The following INPP4B variants were observed in gnomAD, a reference collection of about 807,000 sequenced individuals.
The protein encoded by INPP4B is inositol polyphosphate 4-phosphatase type II.
INPP4B carries 55 observed loss-of-function variants against 122.5 expected under a neutral mutation model. The ratio of observed to expected loss-of-function variants is 0.45; its 90% CI spans 0.36 to 0.56. The LOEUF (loss-of-function observed/expected upper bound fraction) is 0.56. INPP4B is among the 20% of genes least tolerant of loss of function. INPP4B has a pLI of 0.00. For missense variants in INPP4B, 1,000 were observed against 1,097.7 expected (o/e 0.91, Z 1.26); for synonymous variants, 403 against 388.7 (o/e 1.04, Z -0.43).
chr4:142,120,258 T>G (rs1796017340), intron 21 of INPP4B, among the ~76,000 whole-genome samples: 1 of 152,144 alleles, frequency 6.6e-6, no homozygotes, highest in Non-Finnish European at 1.5e-5. Context: ...TTGTAGTAAT[T>G]TGTGAAGTCA....
chr4:142,510,188 C>A (rs1824535229), intron 2 of INPP4B, among the ~76,000 whole-genome samples: 3 of 152,136 alleles, frequency 2.0e-5, no homozygotes, highest in Non-Finnish European at 4.4e-5. Flanking sequence ...TGCCACTTTG[C>A]CATTATCTGC....
chr4:142,048,620 G>A (rs2667096), intron 25 of INPP4B, among the ~76,000 whole-genome samples: 3 of 151,712 alleles, frequency 2.0e-5, no homozygotes, highest in African/African-American at 7.3e-5. Flanking sequence ...TGAACTAAGG[G>A]TGAACGATAA....
intron 18 of INPP4B, among the ~76,000 whole-genome samples, chr4:142,135,597 T>C (rs1803668641): frequency 1.3e-5 from 2 of 152,162 alleles, no homozygotes; most frequent in Non-Finnish European, 2.9e-5. Context: ...GATTCATTCA[T>C]ATTACTTCAT....
intron 2 of INPP4B, among the ~76,000 whole-genome samples, chr4:142,644,306 AAGG>A (rs550299121): frequency 9.4e-5 from 14 of 148,926 alleles, no homozygotes; most frequent in South Asian, 2.2e-4. Context: ...AGAGGAGGAG[AAGG>A]AGGAGGAGGA....
At chr4:142,671,593 G>A (rs1198623134) in intron 2 of INPP4B, among the ~76,000 whole-genome samples, 1 of 151,892 alleles carries the variant, frequency 6.6e-6, no homozygotes, top group African/African-American at 2.4e-5. Flanking sequence ...AGAAACCAAG[G>A]GATAAAGTAG....
intron 2 of INPP4B, among the ~76,000 whole-genome samples, chr4:142,493,573 G>C (rs569725826): frequency 1.3e-5 from 2 of 152,290 alleles, no homozygotes; most frequent in South Asian, 4.1e-4. Flanking sequence ...AAAGTTTAAT[G>C]ACTACCCTAT....
intron 9 of INPP4B, among the ~76,000 whole-genome samples, chr4:142,276,920 C>A (rs1480787009): frequency 6.6e-6 from 1 of 151,884 alleles, no homozygotes; most frequent in East Asian, 1.9e-4. Context: ...AGCTCTAGCT[C>A]CTTGAATTAA....
In INPP4B at chr4:142,649,994, C is replaced by A. The variant is rs536365802; in HGVS notation, c.-191+75845G>T. ...AGGTTGGGTTACCCACAAAGGGAAG[C>A]CCATCAGACAAACTGTGGATCTCTC... On this transcript the variant is annotated intron_variant, in intron 2 of 25. Coordinates refer to ENST00000262992, the MANE Select transcript of INPP4B (RefSeq NM_001101669.3). Among the ~76,000 whole-genome samples, 100 of 152,298 alleles carry A rather than the reference C, an allele frequency of 6.6e-4. 1 individual carries two copies. Among genetic ancestry groups the A allele is most frequent in the African/African-American group, 2.2e-3 (92 of 41,560 alleles).
Position 142,562,637 on chromosome 4 carries a change from G to C in INPP4B, c.-190-99911C>G, listed in dbSNP as rs75186086. ...AAACAAAATTGTCCAGTTCCCAACA[G>C]GTTGCACAAAACCCATTTTGTGTTA... On this transcript the variant is annotated intron_variant, in intron 2 of 25. Coordinates refer to ENST00000262992, the MANE Select transcript of INPP4B (RefSeq NM_001101669.3). Among the ~76,000 whole-genome samples, 919 of 152,052 alleles carry C rather than the reference G, an allele frequency of 6.0e-3. 6 individuals carry two copies. The highest frequency in any genetic ancestry group is 0.011 in the Non-Finnish European group (735 of 67,970).
intron 25 of INPP4B, among the ~76,000 whole-genome samples, chr4:142,073,067 A>G (rs12505349): frequency 0.093 from 14,188 of 152,042 alleles, 810 homozygotes; most frequent in East Asian, 0.24. Flanking sequence ...TATTCAGAGC[A>G]GTGATTACCC....
chr4:142,174,793 T>C (rs1199612039), intron 15 of INPP4B, among the ~76,000 whole-genome samples: 1 of 151,874 alleles, frequency 6.6e-6, no homozygotes, highest in Non-Finnish European at 1.5e-5. Flanking sequence ...CCTGATTAAA[T>C]TAAAAAAAAA....
At chr4:142,149,652 A>C (rs1427140530) in intron 17 of INPP4B, among the ~76,000 whole-genome samples, 1 of 152,236 alleles carries the variant, frequency 6.6e-6, no homozygotes, top group African/African-American at 2.4e-5. Flanking sequence ...TCTGAGACTT[A>C]AATATGAGTC....
chr4:142,481,133 C>CAAAAAAA, intron 2 of INPP4B, among the ~76,000 whole-genome samples: 1 of 57,892 alleles, frequency 1.7e-5, no homozygotes. Flanking sequence ...GACTCTGTCT[C>CAAAAAAA]AAAAAAAAAA....
intron 12 of INPP4B, among the ~76,000 whole-genome samples, chr4:142,231,064 T>C (rs1854123243): frequency 6.6e-6 from 1 of 152,220 alleles, no homozygotes; most frequent in South Asian, 2.1e-4. Context: ...CCAAAGGATT[T>C]AAAGTGTATC....
At chr4:142,242,651 T>C (rs1235410124) in intron 11 of INPP4B, among the ~76,000 whole-genome samples, 1 of 152,202 alleles carries the variant, frequency 6.6e-6, no homozygotes, top group Non-Finnish European at 1.5e-5. Context: ...AGGCATTCCA[T>C]GCAAATCACA....
chr4:142,684,296 C>G (rs183184186), intron 2 of INPP4B, among the ~76,000 whole-genome samples: 185 of 152,060 alleles, frequency 1.2e-3, no homozygotes, highest in African/African-American at 4.3e-3. Context: ...TGGGCCTTAC[C>G]GAATAGCGCT....
intron 8 of INPP4B, among the ~76,000 whole-genome samples, chr4:142,310,137 T>TA (rs1310069862): frequency 6.6e-6 from 1 of 152,060 alleles, no homozygotes; most frequent in African/African-American, 2.4e-5. Context: ...TTTTTTTTTT[T>TA]TATATTACAA....
rs1303002972 is a variant in INPP4B, at chr4:142,263,395, C to T, written c.616-2831G>A. Among the ~76,000 whole-genome samples the T allele has an allele frequency of 2.0e-5, 3 of 151,996 alleles. No individual in the cohort carries two copies. The South Asian group carries it at 6.2e-4, about 32-fold the overall frequency. On this transcript the variant is annotated intron_variant, in intron 10 of 25. Coordinates refer to ENST00000262992, the MANE Select transcript of INPP4B (RefSeq NM_001101669.3). ...ACAGTCCTACACTCTTCACTACATG[C>T]CATCTTATTTATTGATCCACCAATT... is the stretch of plus-strand genomic sequence containing the variant.
At chr4:142,201,457 A>G (rs10519633) in intron 14 of INPP4B, among the ~76,000 whole-genome samples, 13,185 of 152,066 alleles carry the variant, frequency 0.087, 766 homozygotes, top group Middle Eastern at 0.17. Flanking sequence ...TCAGCTACCA[A>G]TATCTCAATG....
Sources: allele counts gnomAD v4.1 joint callset (sites outside exome capture counted in the v4.1 genomes callset), GRCh38; gene constraint gnomAD v4.1.1; transcripts MANE v1.5; gene names NCBI Gene and HGNC (gene_info 2026-07-23, HGNC 2026-07-21).